Variants in NHLRC2 observed in about 807,000 individuals in gnomAD.
NHLRC2 encodes the protein NHL repeat-containing protein 2.
A neutral mutation model predicts 68.1 loss-of-function variants in NHLRC2; 33 were observed. That is an observed-to-expected ratio of 0.48 (90% confidence interval 0.37 to 0.65). NHLRC2 has a LOEUF of 0.65. Among genes scored for constraint, NHLRC2 ranks in the 30% least tolerant of loss-of-function variants. The pLI, the probability that NHLRC2 is intolerant of heterozygous loss-of-function variation, is 0.00. For missense variants in NHLRC2, 761 were observed against 853.8 expected, an observed-to-expected ratio of 0.89 and a Z score of 1.35; for synonymous variants, 311 against 309.6, an observed-to-expected ratio of 1.00 and a Z score of -0.05.
intron 3 of NHLRC2, among the ~76,000 whole-genome samples, chr10:113,877,424 G>A (rs1472565857): frequency 2.0e-5 from 3 of 152,060 alleles, no homozygotes; most frequent in Non-Finnish European, 4.4e-5. Flanking sequence ...AAATAAATAA[G>A]CTAGAATTTG....
Position 113,866,183 on chromosome 10 carries a change from A to G in NHLRC2, c.331+7503A>G, listed in dbSNP as rs550516354. Among the ~76,000 whole-genome samples, 4 of 152,370 alleles carry G rather than the reference A, an allele frequency of 2.6e-5. No individual in the cohort carries two copies. The South Asian group carries it at 6.2e-4, about 24-fold the overall frequency. Reference sequence around the variant, plus strand: ...CCACTTTCACAGTCGCAAATGAGAAATCGCAAATGCCAAGAAGTTTGAAAG... The same window carrying G: ...CCACTTTCACAGTCGCAAATGAGAAGTCGCAAATGCCAAGAAGTTTGAAAG... On this transcript the variant is annotated intron_variant, in intron 2 of 10. Transcript: ENST00000369301.
In NHLRC2 at chr10:113,907,609, G is replaced by A. The variant is rs1360289889; in HGVS notation, c.1925-671G>A. 2.0e-5 allele frequency among the ~76,000 whole-genome samples: 3 copies of A among 152,086 alleles called. No homozygotes were observed. The East Asian group carries it at 5.8e-4, about 29-fold the overall frequency. ...CTTGAGGGCTTAAAATTTGTTAGTG[G>A]TTTATTCGATTTTTGTTATAGATAG... On this transcript the variant is annotated intron_variant, in intron 10 of 10. Transcript: ENST00000369301.
At chr10:113,888,132 A>G (rs893358180) in intron 5 of NHLRC2, among the ~76,000 whole-genome samples, 1 of 152,210 alleles carries the variant, frequency 6.6e-6, no homozygotes, top group Non-Finnish European at 1.5e-5. Flanking sequence ...AAAAGAACGT[A>G]GGAAGGTGGT....
chr10:113,885,855 A>G (rs1160689475), intron 5 of NHLRC2, among the ~76,000 whole-genome samples: 1 of 152,042 alleles, frequency 6.6e-6, no homozygotes, highest in Non-Finnish European at 1.5e-5. Flanking sequence ...AGAATGATAA[A>G]TGTACATTTT....
chr10:113,871,299 C>G (rs1845923011), intron 2 of NHLRC2, among the ~76,000 whole-genome samples: 1 of 152,280 alleles, frequency 6.6e-6, no homozygotes, highest in Non-Finnish European at 1.5e-5. Flanking sequence ...GTTGGGATTA[C>G]AGGCGTGAGC....
chr10:113,892,752 C>CTCCT (rs958039383), intron 5 of NHLRC2, among the ~76,000 whole-genome samples: 1 of 151,926 alleles, frequency 6.6e-6, no homozygotes, highest in Non-Finnish European at 1.5e-5. Flanking sequence ...TGAGCAAGGA[C>CTCCT]TCTGGAGCCA....
intron 2 of NHLRC2, among the ~76,000 whole-genome samples, chr10:113,867,090 T>G (rs1310424133): frequency 6.6e-6 from 1 of 152,158 alleles, no homozygotes; most frequent in Non-Finnish European, 1.5e-5. Flanking sequence ...AAGTTCAGAT[T>G]CTCAGAAGGA....
At chr10:113,869,058 A>T (rs923658148) in intron 2 of NHLRC2, among the ~76,000 whole-genome samples, 2 of 152,218 alleles carry the variant, frequency 1.3e-5, no homozygotes, top group African/African-American at 2.4e-5. Context: ...ACATGATCAG[A>T]TTTGTGTTTT....
chr10:113,867,068 G>A (rs1283832524), intron 2 of NHLRC2, among the ~76,000 whole-genome samples: 1 of 152,172 alleles, frequency 6.6e-6, no homozygotes, highest in East Asian at 1.9e-4. Context: ...TCTGCCTGCT[G>A]TCATGTTTCA....
chr10:113,863,420 A>G (rs1564850244), intron 2 of NHLRC2, among the ~76,000 whole-genome samples: 1 of 152,176 alleles, frequency 6.6e-6, no homozygotes, highest in Non-Finnish European at 1.5e-5. Context: ...CTTAGAGACG[A>G]ATGAAAACAC....
chr10:113,885,932 TG>T (rs1032246754), intron 5 of NHLRC2, among the ~76,000 whole-genome samples: 1 of 151,942 alleles, frequency 6.6e-6, no homozygotes, highest in African/African-American at 2.4e-5. Context: ...GGCATCCATA[TG>T]GGAAAAGAAA....
At position 113,896,590 on chromosome 10, in the gene NHLRC2, G is replaced by A. The variant is rs531552910; in HGVS notation, c.1040-1520G>A. ...TAGATGATGAGTTAGTGGGTGCAGC[G>A]CACCAGCATGGCACATGTATACAAA... On this transcript the variant is annotated intron_variant, in intron 5 of 10. Coordinates refer to ENST00000369301, the MANE Select transcript of NHLRC2 (RefSeq NM_198514.4). 2.5e-4 allele frequency among the ~76,000 whole-genome samples: 38 copies of A among 151,056 alleles called. No homozygotes were observed. In the East Asian group the frequency reaches 3.7e-3, roughly 15 times the overall value.
At chr10:113,855,452 G>C (rs1484750532) in intron 1 of NHLRC2, among the ~76,000 whole-genome samples, 1 of 151,930 alleles carries the variant, frequency 6.6e-6, no homozygotes, top group Non-Finnish European at 1.5e-5. Flanking sequence ...ACTTTTTCAT[G>C]TATCACACAC....
chr10:113,856,734 A>G (rs1009989001), intron 1 of NHLRC2, among the ~76,000 whole-genome samples: 2 of 152,266 alleles, frequency 1.3e-5, no homozygotes, highest in African/African-American at 2.4e-5. Context: ...TGTTTAACAC[A>G]GTATGATTTT....
chr10:113,866,164 T>C (rs1159802494), intron 2 of NHLRC2, among the ~76,000 whole-genome samples: 1 of 152,246 alleles, frequency 6.6e-6, no homozygotes, highest in Non-Finnish European at 1.5e-5. Flanking sequence ...AGTGCCACTT[T>C]CACAGTCGCA....
chr10:113,878,851 C>G (rs979052071), intron 3 of NHLRC2, among the ~76,000 whole-genome samples: 1 of 152,128 alleles, frequency 6.6e-6, no homozygotes, highest in East Asian at 1.9e-4. Context: ...TCTAGCCACT[C>G]TGTTACACTA....
At chr10:113,879,428 A>G in intron 3 of NHLRC2, 146 bp from the exon 4 acceptor site, 5 of 666,938 alleles carry the variant, frequency 7.5e-6, no homozygotes, top group Non-Finnish European at 1.2e-5. Flanking sequence ...CTCTTAAGAA[A>G]AATGTTCCTT....
intron 4 of NHLRC2, among the ~76,000 whole-genome samples, chr10:113,881,263 C>T (rs1846034078): frequency 1.3e-5 from 2 of 151,690 alleles, no homozygotes; most frequent in Non-Finnish European, 3.0e-5. Context: ...TGCTTTACAA[C>T]TTAATGGGTT....
chr10:113,889,523 A>G (rs879296717), intron 5 of NHLRC2, among the ~76,000 whole-genome samples: 2 of 152,130 alleles, frequency 1.3e-5, no homozygotes, highest in Non-Finnish European at 2.9e-5. Context: ...TTGAGAGAAG[A>G]TTCTTATACT....
Sources: gnomAD v4.1 joint callset for allele counts (sites outside exome capture counted in the v4.1 genomes callset) on GRCh38, gnomAD v4.1.1 for gene constraint, MANE v1.5 for transcripts, NCBI Gene and HGNC (gene_info 2026-07-23, HGNC 2026-07-21) for gene names.